The following CFAP54 variants were observed in gnomAD, a reference collection of about 807,000 sequenced individuals.
The protein encoded by CFAP54 is cilia and flagella associated protein 54.
Under a neutral mutation model 370.4 loss-of-function variants are expected in CFAP54, and 290 were observed. That is an observed-to-expected ratio of 0.78 (90% CI 0.71 to 0.86). The LOEUF (loss-of-function observed/expected upper bound fraction) is 0.86. Among genes scored for constraint, CFAP54 ranks in the 40% least tolerant of loss-of-function variants. The probability of loss-of-function intolerance (pLI) is 0.00; values close to 1 mark genes in which losing one functional copy is unlikely to be tolerated. For missense variants in CFAP54, 3,399 were observed against 3,528.7 expected (o/e 0.96, Z 0.93); for synonymous variants, 1,206 against 1,236.5 (o/e 0.98, Z 0.52).
chr12:96,726,107 T>C lies in CFAP54; in HGVS notation c.6965+5542T>C, dbSNP rs1293773208. ...ATTTTATTGAGGATTTTTGCATCAA[T>C]GTTCATCAGGGATATTGGTCTAAAA... On this transcript the variant is annotated intron_variant, in intron 50 of 67. Transcript: ENST00000524981. Among the ~76,000 whole-genome samples, 6 of 150,444 alleles carry C rather than the reference T, an allele frequency of 4.0e-5. 1 individual carries two copies. In the Admixed American group the frequency reaches 4.0e-4, roughly 10 times the overall value.
chr12:96,544,410 A>ATCTCTCTCTCTCTC (rs71068815), intron 14 of CFAP54, among the ~76,000 whole-genome samples: 20 of 148,116 alleles, frequency 1.4e-4, no homozygotes, highest in African/African-American at 3.5e-4. Context: ...AAAACAGAAT[A>ATCTCTCTCTCTCTC]TCTCTCTCTC....
intron 34 of CFAP54, among the ~76,000 whole-genome samples, chr12:96,649,040 G>A (rs1271987208): frequency 6.6e-6 from 1 of 152,100 alleles, no homozygotes; most frequent in Non-Finnish European, 1.5e-5. Flanking sequence ...TATTTCTAAT[G>A]CCTTTAGGCT....
At chr12:96,800,560 A>G (rs1347426260) in intron 63 of CFAP54, among the ~76,000 whole-genome samples, 1 of 152,234 alleles carries the variant, frequency 6.6e-6, no homozygotes, top group African/African-American at 2.4e-5. Flanking sequence ...ACACTGACCT[A>G]GATGCACTAG....
At chr12:96,603,035 C>T (rs1195215386) in intron 26 of CFAP54, among the ~76,000 whole-genome samples, 3 of 152,144 alleles carry the variant, frequency 2.0e-5, no homozygotes, top group Non-Finnish European at 4.4e-5. Context: ...TTAATTGATA[C>T]ACTTTCTTCA....
chr12:96,866,572 A>G (rs1960011509), intron 67 of CFAP54, among the ~76,000 whole-genome samples: 1 of 152,182 alleles, frequency 6.6e-6, no homozygotes, highest in African/African-American at 2.4e-5. Context: ...CCATCCCTTT[A>G]AATTGTACAT....
At position 96,708,790 on chromosome 12, in the gene CFAP54, A is replaced by G. The variant is rs987506648; in HGVS notation, c.6711A>G (p.Leu2237=). Residue 2237 remains leucine, a synonymous_variant, in exon 48 of 68, where the codon CTA becomes CTG. Coordinates refer to ENST00000524981, the MANE Select transcript of CFAP54 (RefSeq NM_001306084.2). ...TTACCAACAAGAGCAAACCAAACCT[A>G]CCAAACTTGGAAGGTAATTGTTTTA... ...TVITNKSKPN[L]PNLEEIYSKD... The G allele has an allele frequency of 6.3e-7, 1 of 1,592,598 alleles. No homozygotes were observed. Among genetic ancestry groups the G allele is most frequent in the Middle Eastern group, 1.7e-4 (1 of 5,980 alleles).
intron 11 of CFAP54, among the ~76,000 whole-genome samples, chr12:96,534,852 T>C (rs1342056895): frequency 6.6e-6 from 1 of 152,200 alleles, no homozygotes; most frequent in Non-Finnish European, 1.5e-5. Context: ...TCAATATTTT[T>C]ATTATTTTTC....
At chr12:96,758,919 C>T (rs149576003) in intron 58 of CFAP54, among the ~76,000 whole-genome samples, 4 of 152,254 alleles carry the variant, frequency 2.6e-5, no homozygotes, top group South Asian at 2.1e-4. Context: ...AGGTTCTAGA[C>T]TCAGGGAGAT....
chr12:96,656,672 T>G (rs959158414), intron 36 of CFAP54, among the ~76,000 whole-genome samples: 2 of 152,208 alleles, frequency 1.3e-5, no homozygotes, highest in African/African-American at 4.8e-5. Context: ...TGAGCCACCA[T>G]GCCTGGCCCT....
intron 32 of CFAP54, among the ~76,000 whole-genome samples, chr12:96,638,025 C>T (rs1956679221): frequency 6.6e-6 from 1 of 152,004 alleles, no homozygotes; most frequent in Non-Finnish European, 1.5e-5. Flanking sequence ...AATAAAATAG[C>T]TTAACGAAAC....
chr12:96,822,558 G>A (rs1450231113), intron 65 of CFAP54, among the ~76,000 whole-genome samples: 4 of 152,078 alleles, frequency 2.6e-5, no homozygotes, highest in African/African-American at 9.7e-5. Context: ...AATATAACCA[G>A]GTCCCTGTCA....
intron 50 of CFAP54, among the ~76,000 whole-genome samples, chr12:96,721,747 A>G (rs1592725143): frequency 6.6e-6 from 1 of 152,360 alleles, no homozygotes. Flanking sequence ...CCCAATACTC[A>G]TATATACAGT....
chr12:96,492,519 C>T (rs1417353797), intron 1 of CFAP54, among the ~76,000 whole-genome samples: 2 of 152,186 alleles, frequency 1.3e-5, no homozygotes, highest in Non-Finnish European at 2.9e-5. Context: ...TGCAGATTCA[C>T]TCATAGGTTT....
At chr12:96,843,803 T>TA (rs1959258756) in intron 66 of CFAP54, among the ~76,000 whole-genome samples, 1 of 152,176 alleles carries the variant, frequency 6.6e-6, no homozygotes, top group Non-Finnish European at 1.5e-5. Flanking sequence ...TTTTACTCTG[T>TA]AAAAAATCCT....
At chr12:96,507,937 T>A (rs190537271) in intron 4 of CFAP54, among the ~76,000 whole-genome samples, 85 of 152,260 alleles carry the variant, frequency 5.6e-4, no homozygotes, top group African/African-American at 1.9e-3. Flanking sequence ...TGTCTGATCA[T>A]CCTCCAGAGA....
At chr12:96,861,024 T>A (rs1959867549) in intron 67 of CFAP54, 72 bp downstream of exon 67, 3 of 1,143,986 alleles carry the variant, frequency 2.6e-6, no homozygotes, top group Non-Finnish European at 2.3e-6. Context: ...GGTCCTCTTA[T>A]AACAACAAAC....
At chr12:96,761,285 G>C (rs1246307563) in intron 58 of CFAP54, among the ~76,000 whole-genome samples, 1 of 152,106 alleles carries the variant, frequency 6.6e-6, no homozygotes, top group Non-Finnish European at 1.5e-5. Context: ...TGTCTATTCA[G>C]ATCTTTTGCC....
intron 50 of CFAP54, among the ~76,000 whole-genome samples, chr12:96,725,163 T>G (rs572568815): frequency 4.6e-5 from 7 of 152,088 alleles, no homozygotes; most frequent in Admixed American, 3.3e-4. Flanking sequence ...ATGCGGGCTC[T>G]TTTTTGGTTC....
At chr12:96,578,851 T>G (rs537546518) in intron 20 of CFAP54, among the ~76,000 whole-genome samples, 31 of 152,336 alleles carry the variant, frequency 2.0e-4, no homozygotes, top group South Asian at 4.1e-4. Context: ...GCTAATGTTA[T>G]TTATATTACG....
Sources: allele counts gnomAD v4.1 joint callset (sites outside exome capture counted in the v4.1 genomes callset), GRCh38; gene constraint gnomAD v4.1.1; transcripts MANE v1.5; gene names NCBI Gene and HGNC (gene_info 2026-07-23, HGNC 2026-07-21).